PLCL1: variants seen among roughly 807,000 people sequenced by gnomAD.
The protein encoded by PLCL1 is inactive phospholipase C-like protein 1.
Under a neutral mutation model 84.4 loss-of-function variants are expected in PLCL1, and 41 were observed. That is an observed-to-expected ratio of 0.49 (90% CI 0.38 to 0.63). The LOEUF (loss-of-function observed/expected upper bound fraction) is 0.63, where lower values mean the gene tolerates loss of function less well. Among genes scored for constraint, PLCL1 ranks in the 30% least tolerant of loss-of-function variants. The pLI is 0.00. For missense variants in PLCL1, 1,206 were observed against 1,367.8 expected, an observed-to-expected ratio of 0.88 and a Z score of 1.87; for synonymous variants, 490 against 488.3, an observed-to-expected ratio of 1.00 and a Z score of -0.05.
intron 1 of PLCL1, among the ~76,000 whole-genome samples, chr2:197,917,555 A>C (rs1688620186): frequency 6.6e-6 from 1 of 152,194 alleles, no homozygotes; most frequent in African/African-American, 2.4e-5. Flanking sequence ...GATATATGAT[A>C]CTATGTATTT....
chr2:198,079,422 A>T (rs73984137), intron 1 of PLCL1, among the ~76,000 whole-genome samples: 5,868 of 152,112 alleles, frequency 0.039, 366 homozygotes, highest in African/African-American at 0.13. Context: ...AAAATTAAAA[A>T]GACATTTGGC....
At chr2:197,872,588 A>G (rs542277336) in intron 1 of PLCL1, among the ~76,000 whole-genome samples, 19 of 152,280 alleles carry the variant, frequency 1.2e-4, no homozygotes, top group South Asian at 6.2e-4. Context: ...GAACTGCTCT[A>G]AGCTTCATTT....
intron 1 of PLCL1, among the ~76,000 whole-genome samples, chr2:197,830,225 A>G (rs1277248803): frequency 2.0e-5 from 3 of 152,086 alleles, no homozygotes; most frequent in Non-Finnish European, 4.4e-5. Flanking sequence ...AACTCCTTCA[A>G]GCTAAAGGAG....
In PLCL1 at chr2:197,976,343, A is replaced by G. The variant is rs549628503; in HGVS notation, c.241-107415A>G. On this transcript the variant is annotated intron_variant, in intron 1 of 5. Coordinates refer to ENST00000428675, the MANE Select transcript of PLCL1 (RefSeq NM_006226.4). Reference sequence around the variant, plus strand: ...CTTTTGCTGACTCTCTCTTTCTTCTATCATCTCATGGAAACTGCTAAACAC... The same window carrying G: ...CTTTTGCTGACTCTCTCTTTCTTCTGTCATCTCATGGAAACTGCTAAACAC... Among the ~76,000 whole-genome samples, 14 of 152,134 alleles carry G rather than the reference A, an allele frequency of 9.2e-5. No homozygotes were observed. In the South Asian group the frequency reaches 1.2e-3, roughly 14 times the overall value.
At chr2:198,075,744 T>C (rs2105889193) in intron 1 of PLCL1, among the ~76,000 whole-genome samples, 1 of 152,380 alleles carries the variant, frequency 6.6e-6, no homozygotes, top group East Asian at 1.9e-4. Flanking sequence ...ACATTCTTTA[T>C]ACATTTTGCT....
intron 1 of PLCL1, among the ~76,000 whole-genome samples, chr2:197,945,142 G>C (rs1689246445): frequency 6.6e-6 from 1 of 152,068 alleles, no homozygotes; most frequent in South Asian, 2.1e-4. Flanking sequence ...TTTTGACCTT[G>C]CTATATAGAC....
At chr2:198,018,078 AGG>A (rs1691041727) in intron 1 of PLCL1, among the ~76,000 whole-genome samples, 1 of 152,110 alleles carries the variant, frequency 6.6e-6, no homozygotes, top group South Asian at 2.1e-4. Flanking sequence ...CAGCCCATGG[AGG>A]GCGAGCAGAA....
At chr2:198,132,128 G>C (rs1210383378) in intron 5 of PLCL1, among the ~76,000 whole-genome samples, 1 of 152,124 alleles carries the variant, frequency 6.6e-6, no homozygotes, top group Non-Finnish European at 1.5e-5. Context: ...AAGACTCTTA[G>C]AATTTTTCAG....
rs541140138 is a variant in PLCL1, at chr2:198,033,463, T to C, written c.241-50295T>C. ...CCATGAAGACGGAGATTGGGAGATA[T>C]TGGGTGTTCTCAAATGCGACAGATT... is the stretch of plus-strand genomic sequence containing the variant. On this transcript the variant is annotated intron_variant, in intron 1 of 5. Transcript: ENST00000428675. 1.1e-3 allele frequency among the ~76,000 whole-genome samples: 160 copies of C among 152,286 alleles called. 1 individual carries two copies. The highest frequency in any genetic ancestry group is 3.8e-3 in the African/African-American group (157 of 41,562).
At chr2:198,124,312 T>C (rs1288846759) in intron 5 of PLCL1, among the ~76,000 whole-genome samples, 1 of 152,110 alleles carries the variant, frequency 6.6e-6, no homozygotes, top group Non-Finnish European at 1.5e-5. Flanking sequence ...ATACCTGTCA[T>C]AATATAATGT....
At chr2:198,055,857 T>A (rs1692059208) in intron 1 of PLCL1, among the ~76,000 whole-genome samples, 1 of 152,182 alleles carries the variant, frequency 6.6e-6, no homozygotes, top group Non-Finnish European at 1.5e-5. Flanking sequence ...TTCATCACCG[T>A]GATCAGCGGT....
In PLCL1 at chr2:197,987,247, A is replaced by G. The variant is rs1407484622; in HGVS notation, c.241-96511A>G. On this transcript the variant is annotated intron_variant, in intron 1 of 5. Coordinates refer to ENST00000428675, the MANE Select transcript of PLCL1 (RefSeq NM_006226.4). ...TGCAGATGTGTTTGACTTAGCCTCT[A>G]TAATATCGGCCTGTACATGGCTTTA... Among the ~76,000 whole-genome samples the G allele has an allele frequency of 5.3e-5, 8 of 152,328 alleles. No homozygotes were observed. The East Asian group carries it at 1.2e-3, about 22-fold the overall frequency.
At chr2:197,995,210 C>A (rs1690432753) in intron 1 of PLCL1, among the ~76,000 whole-genome samples, 1 of 152,088 alleles carries the variant, frequency 6.6e-6, no homozygotes, top group Non-Finnish European at 1.5e-5. Flanking sequence ...AGGTAAAAAG[C>A]TTTTTCTGTT....
intron 1 of PLCL1, among the ~76,000 whole-genome samples, chr2:197,883,816 T>G (rs1307342979): frequency 6.6e-6 from 1 of 152,212 alleles, no homozygotes; most frequent in Non-Finnish European, 1.5e-5. Context: ...TATATCAAGT[T>G]GAGTAGGACT....
chr2:197,998,537 G>A (rs550084253), intron 1 of PLCL1, among the ~76,000 whole-genome samples: 6 of 152,142 alleles, frequency 3.9e-5, no homozygotes, highest in South Asian at 2.1e-4. Context: ...TTGCCCACTC[G>A]AACTACTTCC....
At chr2:197,815,593 A>T (rs1690671457) in intron 1 of PLCL1, among the ~76,000 whole-genome samples, 1 of 152,146 alleles carries the variant, frequency 6.6e-6, no homozygotes, top group Non-Finnish European at 1.5e-5. Context: ...ATAGTGATTC[A>T]TCTGTTGGAT....
chr2:197,990,485 C>T (rs140104392), intron 1 of PLCL1, among the ~76,000 whole-genome samples: 5 of 152,174 alleles, frequency 3.3e-5, no homozygotes, highest in Non-Finnish European at 7.4e-5. Context: ...AGTGTGGTTC[C>T]ACATGGCTGG....
At chr2:197,909,569 A>G (rs1688445539) in intron 1 of PLCL1, among the ~76,000 whole-genome samples, 1 of 152,180 alleles carries the variant, frequency 6.6e-6, no homozygotes, top group Non-Finnish European at 1.5e-5. Flanking sequence ...CTTTGCAGAG[A>G]TGAATCAAGG....
intron 1 of PLCL1, among the ~76,000 whole-genome samples, chr2:197,963,565 T>G (rs777247111): frequency 6.6e-6 from 1 of 152,098 alleles, no homozygotes; most frequent in African/African-American, 2.4e-5. Context: ...TTGTTTCTTT[T>G]GCTGTGCAGA....
Sources: allele counts gnomAD v4.1 joint callset (sites outside exome capture counted in the v4.1 genomes callset), GRCh38; gene constraint gnomAD v4.1.1; transcripts MANE v1.5; gene names NCBI Gene and HGNC (gene_info 2026-07-23, HGNC 2026-07-21).